The following PAK6 variants were observed in gnomAD, a reference collection of about 807,000 sequenced individuals.
PAK6 encodes p21 (RAC1) activated kinase 6.
Under a neutral mutation model 60.8 loss-of-function variants are expected in PAK6, and 33 were observed. The ratio of observed to expected loss-of-function variants is 0.54; its 90% confidence interval spans 0.41 to 0.73. The LOEUF (loss-of-function observed/expected upper bound fraction) is 0.73. Ranked by LOEUF, PAK6 falls within the 30% of genes least tolerant of loss-of-function variation. PAK6 has a pLI of 0.00. For synonymous variants in PAK6, 404 were observed against 378.5 expected (o/e 1.07, Z -0.78); for missense variants, 845 against 904.1 (o/e 0.93, Z 0.84).
intron 10 of PAK6, among the ~76,000 whole-genome samples, chr15:40,275,280 G>GTTTTTTTTTTTTTTTTTTTTGTTTTTTT (rs2039420913): frequency 1.8e-5 from 1 of 56,486 alleles, no homozygotes; most frequent in Non-Finnish European, 3.1e-5. Context: ...GTTGTTGTTG[G>GTTTTTTTTTTTTTTTTTTTTGTTTTTTT]TTTTTTTTTT....
rs1020357392 is a variant in PAK6, at chr15:40,252,859, C to T, written c.-117-319C>T. ...TCCGCGTCCCTGGAGCGGGACCTCC[C>T]TCCGCGGGCGCCCGCCCGGCGCGGG... On this transcript the variant is annotated intron_variant, in intron 2 of 10. Coordinates refer to ENST00000560346, the Ensembl canonical transcript of PAK6. 4.0e-6 allele frequency: 5 copies of T among 1,258,252 alleles called. No homozygotes were observed. In the East Asian group the frequency reaches 2.7e-4, roughly 68 times the overall value. 77.9% of individuals were successfully genotyped at this position (1,258,252 alleles called of 1,614,324 possible).
intron 3 of PAK6, 67 bp from the exon 4 acceptor site, chr15:40,264,714 G>A: frequency 1.4e-6 from 2 of 1,408,160 alleles, no homozygotes; most frequent in Non-Finnish European, 2.0e-6. Context: ...TGAACCTGGT[G>A]CCCCAGGCCC....
intron 2 of PAK6, among the ~76,000 whole-genome samples, chr15:40,242,532 G>A (rs2038383709): frequency 6.6e-6 from 1 of 152,234 alleles, no homozygotes; most frequent in Non-Finnish European, 1.5e-5. Flanking sequence ...CAAGGAGAGA[G>A]CTTATTTCTG....
At chr15:40,274,687 C>T (rs2039400666) in intron 10 of PAK6, among the ~76,000 whole-genome samples, 1 of 152,272 alleles carries the variant, frequency 6.6e-6, no homozygotes, top group South Asian at 2.1e-4. Context: ...TTCGATGTCC[C>T]TGTCCATCAC....
intron 2 of PAK6, chr15:40,252,520 G>T: frequency 7.3e-7 from 1 of 1,363,214 alleles, no homozygotes; most frequent in Non-Finnish European, 9.8e-7. Context: ...TCGCCGCCGC[G>T]TCCTACCTGA....
At chr15:40,262,436 G>A (rs370734436) in intron 3 of PAK6, among the ~76,000 whole-genome samples, 8 of 152,292 alleles carry the variant, frequency 5.3e-5, no homozygotes, top group African/African-American at 1.2e-4. Context: ...CCCGGGAGGT[G>A]GAGGTTGCAG....
At chr15:40,247,163 T>A (rs1338494456) in intron 2 of PAK6, 2 of 152,228 alleles carry the variant, frequency 1.3e-5, no homozygotes, top group East Asian at 3.9e-4. Context: ...CCTGGGGCAG[T>A]CACTGGAAAC....
chr15:40,250,166 G>T (rs530877090), intron 2 of PAK6, among the ~76,000 whole-genome samples: 1 of 152,366 alleles, frequency 6.6e-6, no homozygotes, highest in East Asian at 1.9e-4. Flanking sequence ...CCTGGGCAGG[G>T]CTGAGCTGGG....
intron 2 of PAK6, among the ~76,000 whole-genome samples, chr15:40,250,189 G>A (rs941292065): frequency 4.6e-5 from 7 of 152,216 alleles, no homozygotes; most frequent in Non-Finnish European, 8.8e-5. Context: ...CGGATCAGAG[G>A]AGAATAGAGA....
At chr15:40,268,446 T>C (rs1022115497) in intron 5 of PAK6, among the ~76,000 whole-genome samples, 2 of 152,202 alleles carry the variant, frequency 1.3e-5, no homozygotes, top group African/African-American at 2.4e-5. Flanking sequence ...TAAGAACCAC[T>C]GCCTTAAGCA....
intron 5 of PAK6, among the ~76,000 whole-genome samples, chr15:40,267,412 C>A (rs12908054): frequency 6.6e-6 from 1 of 152,328 alleles, no homozygotes; most frequent in South Asian, 2.1e-4. Flanking sequence ...AGTCCCAGCA[C>A]TTTGGGAGGC....
At chr15:40,268,550 A>T (rs2039212576) in intron 5 of PAK6, among the ~76,000 whole-genome samples, 1 of 152,148 alleles carries the variant, frequency 6.6e-6, no homozygotes, top group African/African-American at 2.4e-5. Context: ...AGCCCTTGGC[A>T]CTGGGGCTGA....
Position 40,266,257 on chromosome 15 carries a change from C to T in PAK6, c.620C>T (p.Ser207Leu), listed in dbSNP as rs141487285. Residue 207 changes from serine to leucine, a missense_variant, in exon 5 of 11, where the codon TCG (serine) becomes TTG (leucine). Ser to Leu is a moderately radical substitution (Grantham distance 145). Coordinates refer to ENST00000560346, the Ensembl canonical transcript of PAK6. ...CTGCAGAGCTCCCCACCAGGAGCCTCGCCCCCCACGGGCACCAATAGGCAT... is the reference window on the plus strand; with the variant it reads ...CTGCAGAGCTCCCCACCAGGAGCCTTGCCCCCCACGGGCACCAATAGGCAT... 45 of 1,610,686 alleles carry T rather than the reference C, an allele frequency of 2.8e-5. 1 individual carries two copies. In the African/African-American group the frequency reaches 4.3e-4, roughly 15 times the overall value.
intron 3 of PAK6, among the ~76,000 whole-genome samples, chr15:40,256,180 G>A (rs951521537): frequency 1.3e-5 from 2 of 152,140 alleles, no homozygotes; most frequent in African/African-American, 4.8e-5. Flanking sequence ...AGCTCTGATC[G>A]CGCCACTGCA....
chr15:40,272,155 C>T, intron 5 of PAK6, 69 bp from the exon 6 acceptor site: 8 of 1,536,626 alleles, frequency 5.2e-6, no homozygotes, highest in Non-Finnish European at 6.2e-6. Context: ...GCGGCCAGCC[C>T]CTGCCTCCGG....
chr15:40,272,994 A>G (rs1216749995), exon 7 of PAK6: 2 of 1,613,628 alleles, frequency 1.2e-6, no homozygotes, highest in Non-Finnish European at 1.7e-6. Context: ...TCGTCTCCCA[A>G]GTCAGGTGGG....
intron 3 of PAK6, among the ~76,000 whole-genome samples, chr15:40,258,298 GA>G (rs1444576043): frequency 6.6e-6 from 1 of 152,220 alleles, no homozygotes; most frequent in African/African-American, 2.4e-5. Context: ...GACCTCCAGA[GA>G]GGGAGAAGAA....
chr15:40,265,181 C>T (rs2039087896), intron 4 of PAK6, among the ~76,000 whole-genome samples, 192 bp downstream of exon 4: 1 of 152,200 alleles, frequency 6.6e-6, no homozygotes, highest in South Asian at 2.1e-4. Context: ...GCTGGGGAGA[C>T]CCTCTCTGCA....
exon 4 of PAK6, chr15:40,264,833 G>A (rs371968905): frequency 3.0e-5 from 48 of 1,613,886 alleles, no homozygotes; most frequent in Non-Finnish European, 3.6e-5. Flanking sequence ...CAGCGCCACA[G>A]AACTTCCAGC....
Sources: gnomAD v4.1 joint callset for allele counts (sites outside exome capture counted in the v4.1 genomes callset) on GRCh38, gnomAD v4.1.1 for gene constraint, MANE v1.5 for transcripts, NCBI Gene and HGNC (gene_info 2026-07-23, HGNC 2026-07-21) for gene names.